The following HCN1 variants were observed in gnomAD, a reference collection of about 807,000 sequenced individuals.
HCN1 encodes the protein hyperpolarization activated cyclic nucleotide gated potassium channel 1, also known as potassium/sodium hyperpolarization-activated cyclic nucleotide-gated channel 1.
In HCN1, 13 loss-of-function variants were observed where a neutral mutation model predicts 78.9. That is an observed-to-expected ratio of 0.16 (90% CI 0.11 to 0.26). HCN1 has a LOEUF of 0.26. Ranked by LOEUF, HCN1 falls within the 10% of genes least tolerant of loss-of-function variation. The pLI, the probability that HCN1 is intolerant of heterozygous loss-of-function variation, is 1.00. For missense variants in HCN1, 810 were observed against 1,154.3 expected (o/e 0.70, Z 4.32); for synonymous variants, 552 against 455.5 (o/e 1.21, Z -2.70).
At chr5:45,265,141 G>A (rs985819014) in intron 7 of HCN1, among the ~76,000 whole-genome samples, 1 of 149,384 alleles carries the variant, frequency 6.7e-6, no homozygotes, top group Non-Finnish European at 1.5e-5. Context: ...AGTGAGCCGA[G>A]ATCACACCAC....
At chr5:45,376,338 T>TTATATA (rs201682954) in intron 4 of HCN1, among the ~76,000 whole-genome samples, 3 of 98,712 alleles carry the variant, frequency 3.0e-5, no homozygotes, top group Non-Finnish European at 6.0e-5. Context: ...ATAACATATA[T>TTATATA]TATATATATA....
intron 6 of HCN1, among the ~76,000 whole-genome samples, chr5:45,290,635 T>C (rs1745353901): frequency 6.6e-6 from 1 of 152,082 alleles, no homozygotes; most frequent in Non-Finnish European, 1.5e-5. Context: ...TAAAACTTAT[T>C]CAATTAAAGG....
intron 6 of HCN1, among the ~76,000 whole-genome samples, chr5:45,287,861 C>T (rs945490020): frequency 1.2e-4 from 19 of 152,060 alleles, no homozygotes; most frequent in South Asian, 4.1e-4. Flanking sequence ...GTCTTTTACA[C>T]GCATCTACTG....
intron 2 of HCN1, among the ~76,000 whole-genome samples, chr5:45,492,734 T>A (rs1457034025): frequency 6.6e-6 from 1 of 152,024 alleles, no homozygotes; most frequent in Non-Finnish European, 1.5e-5. Context: ...ACTCCCGGCC[T>A]CAGGTGATCC....
intron 2 of HCN1, among the ~76,000 whole-genome samples, chr5:45,633,687 T>C (rs1287375623): frequency 1.3e-5 from 2 of 151,992 alleles, no homozygotes; most frequent in African/African-American, 2.4e-5. Flanking sequence ...AATTAATATA[T>C]GATTAAGTTC....
At chr5:45,555,981 G>A (rs1331483425) in intron 2 of HCN1, among the ~76,000 whole-genome samples, 1 of 151,882 alleles carries the variant, frequency 6.6e-6, no homozygotes, top group African/African-American at 2.4e-5. Flanking sequence ...TCAATAAATG[G>A]TGCTGGGAAA....
intron 1 of HCN1, among the ~76,000 whole-genome samples, chr5:45,668,519 T>C (rs1421797687): frequency 1.3e-5 from 2 of 151,934 alleles, no homozygotes; most frequent in Non-Finnish European, 2.9e-5. Context: ...CTTCATAAAT[T>C]ACCCAGTCTC....
chr5:45,501,083 C>T (rs1161800458), intron 2 of HCN1, among the ~76,000 whole-genome samples: 1 of 152,094 alleles, frequency 6.6e-6, no homozygotes, highest in African/African-American at 2.4e-5. Context: ...GTTTGATAAG[C>T]CGACTCAAAC....
chr5:45,292,462 A>G (rs1409368939), intron 6 of HCN1, among the ~76,000 whole-genome samples: 2 of 151,964 alleles, frequency 1.3e-5, no homozygotes, highest in East Asian at 3.9e-4. Flanking sequence ...CATCATTCCT[A>G]CAGATTCTAT....
chr5:45,276,401 G>A (rs1244171209), intron 6 of HCN1, among the ~76,000 whole-genome samples: 5 of 152,094 alleles, frequency 3.3e-5, no homozygotes. Flanking sequence ...AGTAAGTCTG[G>A]AGTGGGATGA....
chr5:45,600,345 C>A (rs993211671), intron 2 of HCN1, among the ~76,000 whole-genome samples: 5 of 152,028 alleles, frequency 3.3e-5, no homozygotes, highest in African/African-American at 1.2e-4. Context: ...ATCATATATA[C>A]CCTGGATCAA....
intron 1 of HCN1, among the ~76,000 whole-genome samples, chr5:45,676,250 G>T (rs1746264531): frequency 6.6e-6 from 1 of 151,534 alleles, no homozygotes; most frequent in Admixed American, 6.6e-5. Flanking sequence ...ACATCTTCAG[G>T]AAATCAACCA....
In HCN1 at chr5:45,359,366, TGC is replaced by T. The variant is rs1169946694; in HGVS notation, c.1231-6122_1231-6121del. On this transcript the variant is annotated intron_variant, in intron 4 of 7. Transcript: ENST00000303230. Reference sequence around the variant, plus strand: ...CCCATGTCTCAAATCTATAAAACACTGCCTATAAGAAGTTAACTTTTTACTTT... The same window carrying T: ...CCCATGTCTCAAATCTATAAAACACTCTATAAGAAGTTAACTTTTTACTTT... Among the ~76,000 whole-genome samples the T allele has an allele frequency of 1.5e-4, 23 of 150,218 alleles. 1 individual carries two copies. The East Asian group carries it at 4.3e-3, about 28-fold the overall frequency.
intron 1 of HCN1, among the ~76,000 whole-genome samples, chr5:45,692,395 A>G (rs936545956): frequency 6.6e-6 from 1 of 152,156 alleles, no homozygotes; most frequent in Non-Finnish European, 1.5e-5. Flanking sequence ...TAAGACTAAG[A>G]CCATACTGTC....
chr5:45,680,664 A>T (rs567041428), intron 1 of HCN1, among the ~76,000 whole-genome samples: 1 of 152,256 alleles, frequency 6.6e-6, no homozygotes, highest in East Asian at 1.9e-4. Flanking sequence ...ACAGAAAGAT[A>T]AATAATAATA....
intron 2 of HCN1, among the ~76,000 whole-genome samples, chr5:45,469,501 A>T (rs1741343844): frequency 6.6e-6 from 1 of 152,016 alleles, no homozygotes; most frequent in Non-Finnish European, 1.5e-5. Flanking sequence ...TATTTAAATG[A>T]GGCGAAAACC....
At chr5:45,290,127 C>A (rs941559695) in intron 6 of HCN1, among the ~76,000 whole-genome samples, 1 of 147,126 alleles carries the variant, frequency 6.8e-6, no homozygotes, top group Non-Finnish European at 1.5e-5. Flanking sequence ...AAGGGCAGTT[C>A]CCCTGCACAT....
intron 4 of HCN1, among the ~76,000 whole-genome samples, chr5:45,367,860 A>C (rs898116000): frequency 6.6e-6 from 1 of 151,990 alleles, no homozygotes; most frequent in Non-Finnish European, 1.5e-5. Flanking sequence ...CTAAAAATTT[A>C]GGGACCTAAT....
chr5:45,377,036 T>G (rs1027779306), intron 4 of HCN1, among the ~76,000 whole-genome samples: 1 of 151,932 alleles, frequency 6.6e-6, no homozygotes, highest in African/African-American at 2.4e-5. Context: ...AAAGTAATTA[T>G]AAGAAAAGGT....
Sources: gnomAD v4.1 joint callset for allele counts (sites outside exome capture counted in the v4.1 genomes callset) on GRCh38, gnomAD v4.1.1 for gene constraint, MANE v1.5 for transcripts, NCBI Gene and HGNC (gene_info 2026-07-23, HGNC 2026-07-21) for gene names.